Variants in CEP112 observed in about 807,000 individuals in gnomAD.
CEP112 encodes the protein centrosomal protein of 112 kDa.
CEP112 carries 127 observed loss-of-function variants against 153.0 expected under a neutral mutation model. The observed-to-expected ratio is 0.83, with a 90% CI of 0.72 to 0.96. The LOEUF (loss-of-function observed/expected upper bound fraction) is 0.96. Ranked by LOEUF, CEP112 falls within the 40% of genes least tolerant of loss-of-function variation. The probability of loss-of-function intolerance (pLI) is 0.00; values close to 1 mark genes in which losing one functional copy is unlikely to be tolerated. For synonymous variants in CEP112, 358 were observed against 374.4 expected (o/e 0.96, Z 0.51); for missense variants, 1,089 against 1,101.2 (o/e 0.99, Z 0.16).
intron 21 of CEP112, among the ~76,000 whole-genome samples, chr17:65,757,601 A>G (rs1391740150): frequency 6.6e-6 from 1 of 152,256 alleles, no homozygotes; most frequent in Non-Finnish European, 1.5e-5. Context: ...TAACAGCTAA[A>G]TAGAGTAGAA....
chr17:66,046,025 G>A lies in CEP112; in HGVS notation c.1218+7711C>T, dbSNP rs974120597. On this transcript the variant is annotated intron_variant, in intron 12 of 26. Coordinates refer to ENST00000535342, the MANE Select transcript of CEP112 (RefSeq NM_001199165.4). ...AATCCAGTTGCCTGCTAAGACAGACGTTAAAAAGTTTTTTTTTTCTTTTTC... is the reference window on the plus strand; with the variant it reads ...AATCCAGTTGCCTGCTAAGACAGACATTAAAAAGTTTTTTTTTTCTTTTTC... 6.2e-5 allele frequency among the ~76,000 whole-genome samples: 9 copies of A among 145,928 alleles called. No individual in the cohort carries two copies. In the East Asian group the frequency reaches 6.9e-4, roughly 11 times the overall value.
chr17:66,177,804 A>G (rs995864436), intron 2 of CEP112, among the ~76,000 whole-genome samples: 2 of 152,166 alleles, frequency 1.3e-5, no homozygotes, highest in Non-Finnish European at 2.9e-5. Context: ...ATTAGTAAGA[A>G]TATATGAAGA....
intron 6 of CEP112, among the ~76,000 whole-genome samples, chr17:66,118,536 T>C (rs552989729): frequency 1.8e-4 from 28 of 152,060 alleles, no homozygotes; most frequent in African/African-American, 6.5e-4. Flanking sequence ...AGGTATAAAA[T>C]AGAATGATGG....
chr17:65,933,774 T>C (rs1599059493), intron 18 of CEP112, among the ~76,000 whole-genome samples: 1 of 152,324 alleles, frequency 6.6e-6, no homozygotes, highest in Non-Finnish European at 1.5e-5. Flanking sequence ...CTCAATGGTA[T>C]AAGTAATACA....
At chr17:66,007,962 T>G (rs1341279874) in intron 16 of CEP112, among the ~76,000 whole-genome samples, 1 of 152,176 alleles carries the variant, frequency 6.6e-6, no homozygotes, top group Non-Finnish European at 1.5e-5. Flanking sequence ...TCCTAATTTT[T>G]TATGTTACTT....
rs559837020 is a variant in CEP112, at chr17:65,953,545, G to A, written c.1872+7918C>T. Among the ~76,000 whole-genome samples, 203 of 152,330 alleles carry A rather than the reference G, an allele frequency of 1.3e-3. 2 individuals are homozygous for A. The highest frequency in any genetic ancestry group is 4.5e-3 in the African/African-American group (189 of 41,566). On this transcript the variant is annotated intron_variant, in intron 18 of 26. Transcript: ENST00000535342. ...TGCTTGCTTTCTCAATGGGAGGCTC[G>A]TGATCTGGGGCAAGTTCTCAACCCT...
intron 20 of CEP112, among the ~76,000 whole-genome samples, chr17:65,894,169 G>A (rs1382682594): frequency 6.6e-6 from 1 of 152,098 alleles, no homozygotes; most frequent in African/African-American, 2.4e-5. Context: ...AGAAGGAAGA[G>A]TAATATGCTA....
At chr17:66,040,616 C>T (rs888230772) in intron 12 of CEP112, among the ~76,000 whole-genome samples, 1 of 151,624 alleles carries the variant, frequency 6.6e-6, no homozygotes, top group African/African-American at 2.4e-5. Flanking sequence ...ATGCCTCAGC[C>T]TCCCGAGTAG....
intron 23 of CEP112, among the ~76,000 whole-genome samples, chr17:65,691,081 C>A (rs750902591): frequency 5.9e-5 from 9 of 151,974 alleles, no homozygotes; most frequent in Non-Finnish European, 8.8e-5. Context: ...GGAGTGGAAG[C>A]AGAGAGAGGA....
intron 12 of CEP112, among the ~76,000 whole-genome samples, chr17:66,033,068 C>T (rs1443288): frequency 0.52 from 78,245 of 151,930 alleles, 21,060 homozygotes; most frequent in African/African-American, 0.59. Context: ...ATCACACAAA[C>T]CATTTTTGCA....
chr17:65,937,405 T>C (rs1037893797), intron 18 of CEP112, among the ~76,000 whole-genome samples: 1 of 109,942 alleles, frequency 9.1e-6, no homozygotes, highest in African/African-American at 3.3e-5. Flanking sequence ...TCGTCTGAGA[T>C]GTGGGGAGCG....
chr17:65,651,104 C>T (rs1341938951), intron 24 of CEP112, among the ~76,000 whole-genome samples: 4 of 152,116 alleles, frequency 2.6e-5, no homozygotes, highest in African/African-American at 9.7e-5. Flanking sequence ...CCCTTTCTCC[C>T]TGAGTCCCCA....
intron 11 of CEP112, among the ~76,000 whole-genome samples, chr17:66,060,302 A>T (rs1020702343): frequency 1.3e-5 from 2 of 152,190 alleles, no homozygotes; most frequent in South Asian, 4.1e-4. Flanking sequence ...AAATTATTTT[A>T]AAAAATGAAA....
intron 4 of CEP112, among the ~76,000 whole-genome samples, chr17:66,163,121 A>T (rs1249505788): frequency 6.6e-6 from 1 of 152,138 alleles, no homozygotes; most frequent in Non-Finnish European, 1.5e-5. Flanking sequence ...GCAATCGGAG[A>T]AGGGTACCCA....
intron 18 of CEP112, among the ~76,000 whole-genome samples, chr17:65,942,167 A>T (rs980957574): frequency 2.4e-5 from 3 of 123,406 alleles, no homozygotes; most frequent in Non-Finnish European, 5.1e-5. Context: ...CTCCTGTCAG[A>T]TCAGTGTTGG....
intron 16 of CEP112, among the ~76,000 whole-genome samples, chr17:66,011,861 T>C (rs568750559): frequency 6.6e-6 from 1 of 152,320 alleles, no homozygotes; most frequent in East Asian, 1.9e-4. Flanking sequence ...TCTAAGTCTT[T>C]TCATAGGTCT....
intron 24 of CEP112, among the ~76,000 whole-genome samples, chr17:65,665,636 C>T (rs1598253452): frequency 1.3e-5 from 2 of 152,088 alleles, no homozygotes; most frequent in Admixed American, 1.3e-4. Flanking sequence ...AATAAGGGAA[C>T]AGAGTTAAAA....
At chr17:66,069,707 T>C (rs2067243250) in intron 9 of CEP112, among the ~76,000 whole-genome samples, 1 of 152,138 alleles carries the variant, frequency 6.6e-6, no homozygotes, top group Non-Finnish European at 1.5e-5. Flanking sequence ...AGGTTTTAAA[T>C]AAACACATAT....
intron 4 of CEP112, 146 bp from the exon 5 acceptor site, chr17:66,132,909 G>A: frequency 1.6e-6 from 1 of 635,072 alleles, no homozygotes; most frequent in Non-Finnish European, 2.8e-6. Flanking sequence ...GTGGTGGCGA[G>A]TGCCTGTAAT....
Sources: gnomAD v4.1 joint callset for allele counts (sites outside exome capture counted in the v4.1 genomes callset) on GRCh38, gnomAD v4.1.1 for gene constraint, MANE v1.5 for transcripts, NCBI Gene and HGNC (gene_info 2026-07-23, HGNC 2026-07-21) for gene names.